NIPSNAP1: variants seen among roughly 807,000 people sequenced by gnomAD.
The protein encoded by NIPSNAP1 is nipsnap homolog 1.
Under a neutral mutation model 49.2 loss-of-function variants are expected in NIPSNAP1, and 25 were observed. That is an observed-to-expected ratio of 0.51 (90% CI 0.37 to 0.71). The LOEUF is 0.71. Among genes scored for constraint, NIPSNAP1 ranks in the 30% least tolerant of loss-of-function variants. The pLI is 0.00. For synonymous variants in NIPSNAP1, 143 were observed against 140.7 expected, an observed-to-expected ratio of 1.02 and a Z score of -0.12; for missense variants, 294 against 361.0, an observed-to-expected ratio of 0.81 and a Z score of 1.50.
rs2064494698 is a variant in NIPSNAP1, at chr22:29,581,051, G to A, written c.32C>T (p.Thr11Met). The A allele has an allele frequency of 6.5e-7, 1 of 1,540,246 alleles. No individual in the cohort carries two copies. Among genetic ancestry groups the A allele is most frequent in the Non-Finnish European group, 8.7e-7 (1 of 1,145,632 alleles). The change falls in exon 1 of 10, where the codon ACG (threonine) becomes ATG (methionine). Residue 11 changes from threonine to methionine, a missense_variant. Physicochemically the swap from Thr to Met is moderately conservative, Grantham distance 81. Transcript: ENST00000216121. The part of the protein sequence containing the change: MAPRLCSISV[T>M]ARRLLGGPGP... ...CGGGCCCCCCAGCAGCCGCCGCGCC[G>A]TCACAGAGATGCTGCACAGCCGCGG...
intron 9 of NIPSNAP1, among the ~76,000 whole-genome samples, chr22:29,557,312 G>A (rs1446598269): frequency 6.6e-6 from 1 of 152,096 alleles, no homozygotes; most frequent in Admixed American, 6.6e-5. Flanking sequence ...TAGAGACGAG[G>A]TTTCACCATG....
chr22:29,561,302 C>G, intron 6 of NIPSNAP1, 100 bp from the exon 7 acceptor site: 1 of 1,515,752 alleles, frequency 6.6e-7, no homozygotes, highest in Admixed American at 1.7e-5. Flanking sequence ...TCCCCACCTC[C>G]CAAGCTGCAG....
intron 1 of NIPSNAP1, among the ~76,000 whole-genome samples, chr22:29,577,661 G>T (rs550062024): frequency 2.0e-5 from 3 of 151,088 alleles, no homozygotes; most frequent in African/African-American, 4.9e-5. Context: ...TGATCTGCCC[G>T]CCTCGGCCTC....
chr22:29,571,861 G>A (rs369345770), intron 1 of NIPSNAP1, among the ~76,000 whole-genome samples: 4 of 151,302 alleles, frequency 2.6e-5, no homozygotes, highest in Non-Finnish European at 4.4e-5. Context: ...CTGCAACCTC[G>A]GCCTCCCGGG....
intron 8 of NIPSNAP1, 127 bp from the exon 9 acceptor site, chr22:29,559,080 A>G: frequency 2.7e-6 from 2 of 732,368 alleles, no homozygotes; most frequent in Non-Finnish European, 5.0e-6. Context: ...TGCCTCCCTC[A>G]GACTATTAGC....
At position 29,561,837 on chromosome 22, in the gene NIPSNAP1, GC is replaced by G. The variant is rs2064338038; in HGVS notation, c.392del (p.Gly131AlafsTer9). On this transcript the variant is annotated frameshift_variant, in exon 5 of 10. Coordinates refer to ENST00000216121, the MANE Select transcript of NIPSNAP1 (RefSeq NM_003634.4). LOFTEE classifies it high-confidence loss of function. The part of the protein sequence containing the change: ...QAVHLWRFSG[G>X]YPALMDCMNK... ...TCATGCAGTCCATGAGGGCTGGGTA[GC>G]CACCTGAGAATCGCCACAGGTGCAC... The G allele has an allele frequency of 6.2e-7, 1 of 1,614,150 alleles. No individual in the cohort carries two copies. The highest frequency in any genetic ancestry group is 1.3e-5 in the African/African-American group (1 of 75,036).
At chr22:29,569,903 C>A (rs1035989555) in intron 3 of NIPSNAP1, 6 of 486,398 alleles carry the variant, frequency 1.2e-5, no homozygotes, top group African/African-American at 1.0e-4. Context: ...ACAGGAGAAT[C>A]GCTTGTACCT....
At chr22:29,560,923 G>A (rs2064330952) in intron 7 of NIPSNAP1, 95 bp from the exon 8 acceptor site, 8 of 1,214,706 alleles carry the variant, frequency 6.6e-6, no homozygotes, top group East Asian at 2.3e-5. Flanking sequence ...AGGGGCCTAG[G>A]TGGAACCCAC....
intron 4 of NIPSNAP1, chr22:29,564,403 C>A (rs1243628460): frequency 8.5e-6 from 4 of 470,662 alleles, no homozygotes; most frequent in Non-Finnish European, 1.8e-5. Flanking sequence ...AGAAAAGTTA[C>A]AAGGACAGCA....
At chr22:29,559,943 T>C (rs987732617) in intron 8 of NIPSNAP1, among the ~76,000 whole-genome samples, 4 of 152,196 alleles carry the variant, frequency 2.6e-5, no homozygotes, top group South Asian at 2.1e-4. Flanking sequence ...TAGTCTCTCA[T>C]TGCATTTACA....
In NIPSNAP1 at chr22:29,568,089, G is replaced by A. The variant is rs974639808; in HGVS notation, c.367+1104C>T. Among the ~76,000 whole-genome samples, 12 of 148,222 alleles carry A rather than the reference G, an allele frequency of 8.1e-5. 1 individual carries two copies. Among genetic ancestry groups the A allele is most frequent in the Admixed American group, 7.5e-4 (11 of 14,636 alleles). ...AGCTACTCAGGAAGCTGAGGTGGGA[G>A]TACTGCTTGAGCCTGGGAAATTGAG... On this transcript the variant is annotated intron_variant, in intron 4 of 9. Transcript: ENST00000216121.
At chr22:29,563,522 G>A (rs999142637) in intron 4 of NIPSNAP1, among the ~76,000 whole-genome samples, 2 of 151,992 alleles carry the variant, frequency 1.3e-5, no homozygotes, top group Admixed American at 6.6e-5. Context: ...GCAAGACTCC[G>A]TCTCAAAAAA....
Position 29,566,659 on chromosome 22 carries a change from C to T in NIPSNAP1, c.367+2534G>A, listed in dbSNP as rs554909297. Reference sequence around the variant, plus strand: ...GCAACATAGCGAAACCCTGTCTCTACTAAAAATATAAAAAATTAGCTGGCT... The same window carrying T: ...GCAACATAGCGAAACCCTGTCTCTATTAAAAATATAAAAAATTAGCTGGCT... On this transcript the variant is annotated intron_variant, in intron 4 of 9. Coordinates refer to ENST00000216121, the MANE Select transcript of NIPSNAP1 (RefSeq NM_003634.4). Among the ~76,000 whole-genome samples the T allele has an allele frequency of 2.6e-5, 4 of 151,970 alleles. 1 individual carries two copies. The South Asian group carries it at 8.3e-4, about 32-fold the overall frequency.
chr22:29,561,016 C>A (rs1188910421), intron 7 of NIPSNAP1, among the ~76,000 whole-genome samples, 155 bp downstream of exon 7: 1 of 152,174 alleles, frequency 6.6e-6, no homozygotes, highest in African/African-American at 2.4e-5. Context: ...GAGATCCTCA[C>A]CTCCTGGCTG....
intron 8 of NIPSNAP1, among the ~76,000 whole-genome samples, chr22:29,560,241 C>CTTTTTTTTTTTTTT (rs35947318): frequency 1.4e-5 from 2 of 145,290 alleles, no homozygotes; most frequent in African/African-American, 5.1e-5. Context: ...CTCTCCCTGC[C>CTTTTTTTTTTTTTT]TTTTTTTTTT....
At chr22:29,579,337 C>A (rs1381630723) in intron 1 of NIPSNAP1, among the ~76,000 whole-genome samples, 2 of 147,824 alleles carry the variant, frequency 1.4e-5, no homozygotes, top group East Asian at 3.9e-4. Flanking sequence ...ACTCTTGTCG[C>A]CCAGGCTGGA....
chr22:29,567,533 G>A (rs1042729754), intron 4 of NIPSNAP1, among the ~76,000 whole-genome samples: 2 of 152,126 alleles, frequency 1.3e-5, no homozygotes, highest in Non-Finnish European at 2.9e-5. Context: ...AGCCTTCCAG[G>A]AGGAGGTGAC....
intron 4 of NIPSNAP1, among the ~76,000 whole-genome samples, chr22:29,565,846 T>C (rs772922794): frequency 3.4e-4 from 52 of 152,252 alleles, no homozygotes; most frequent in Non-Finnish European, 6.5e-4. Context: ...AATATGTTAA[T>C]GTCTGTTACG....
At chr22:29,564,561 A>C (rs1471106562) in intron 4 of NIPSNAP1, among the ~76,000 whole-genome samples, 3 of 152,074 alleles carry the variant, frequency 2.0e-5, no homozygotes, top group Non-Finnish European at 4.4e-5. Context: ...TTACAGGCGC[A>C]TGCCACCACG....
Sources: allele counts gnomAD v4.1 joint callset (sites outside exome capture counted in the v4.1 genomes callset), GRCh38; gene constraint gnomAD v4.1.1; transcripts MANE v1.5; gene names NCBI Gene and HGNC (gene_info 2026-07-23, HGNC 2026-07-21).